The following SYNPO variants were observed in gnomAD, a reference collection of about 807,000 sequenced individuals.
The protein encoded by SYNPO is synaptopodin.
A neutral mutation model predicts 49.5 loss-of-function variants in SYNPO; 19 were observed. The ratio of observed to expected loss-of-function variants is 0.38; its 90% confidence interval spans 0.27 to 0.56. The LOEUF (loss-of-function observed/expected upper bound fraction) is 0.56. Among genes scored for constraint, SYNPO ranks in the 20% least tolerant of loss-of-function variants. The probability of loss-of-function intolerance (pLI) is 0.68; values close to 1 mark genes in which losing one functional copy is unlikely to be tolerated. For synonymous variants in SYNPO, 536 were observed against 548.0 expected (o/e 0.98, Z 0.31); for missense variants, 1,131 against 1,248.3 (o/e 0.91, Z 1.42).
chr5:150,599,570 C>A (rs1403173916), upstream of SYNPO, among the ~76,000 whole-genome samples: 1 of 152,192 alleles, frequency 6.6e-6, no homozygotes, highest in African/African-American at 2.4e-5. Context: ...AGGGAGACAT[C>A]TAAACCTCTC....
chr5:150,614,655 C>T (rs915442473), intron 1 of SYNPO: 2 of 152,230 alleles, frequency 1.3e-5, no homozygotes, highest in African/African-American at 4.8e-5. Flanking sequence ...ACTCTATCAG[C>T]CATTTCTGCC....
At chr5:150,587,491 G>A in the SYNPO span, among the ~76,000 whole-genome samples, 36 of 151,912 alleles carry the variant, frequency 2.4e-4, no homozygotes, top group South Asian at 1.2e-3. Context: ...ATAAATAGGC[G>A]GATGGATACA....
exon 2 of SYNPO, chr5:150,618,336 G>C: frequency 6.6e-7 from 1 of 1,514,812 alleles, no homozygotes; most frequent in Non-Finnish European, 8.9e-7. Flanking sequence ...CCAGGAGCCT[G>C]CTTCCCTGCA....
rs567811190 is a variant in SYNPO at position 150,625,872 on chromosome 5, G to C, written c.400+7105G>C. On this transcript the variant is annotated intron_variant, in intron 2 of 2. Coordinates refer to the SYNPO transcript ENST00000394243. ...TGCCCCATCCCCCATCCCCCACCCT[G>C]TCCTGAATGGCAGGTGGCACTGGAA... 8.5e-5 allele frequency among the ~76,000 whole-genome samples: 13 copies of C among 152,332 alleles called. 1 individual carries two copies. The South Asian group carries it at 2.5e-3, about 29-fold the overall frequency.
intron 1 of SYNPO, among the ~76,000 whole-genome samples, chr5:150,603,611 C>T (rs1385039620): frequency 6.6e-6 from 1 of 152,260 alleles, no homozygotes; most frequent in Non-Finnish European, 1.5e-5. Flanking sequence ...CGGGACCATT[C>T]TTTCTTGTCT....
At chr5:150,586,961 C>T in the SYNPO span, among the ~76,000 whole-genome samples, 2 of 150,994 alleles carry the variant, frequency 1.3e-5, no homozygotes, top group African/African-American at 2.4e-5. Context: ...TATGGATGCA[C>T]GGATGAGTAT....
intron 2 of SYNPO, among the ~76,000 whole-genome samples, chr5:150,628,588 A>G (rs1661143235): frequency 6.6e-6 from 1 of 152,230 alleles, no homozygotes; most frequent in South Asian, 2.1e-4. Flanking sequence ...ATGAGCTACC[A>G]TTTAGGTATT....
At chr5:150,620,208 G>T (rs183952703) in intron 2 of SYNPO, among the ~76,000 whole-genome samples, 9 of 152,212 alleles carry the variant, frequency 5.9e-5, no homozygotes, top group Non-Finnish European at 1.3e-4. Flanking sequence ...GCTGTTAGGA[G>T]GTTGCAATGA....
At chr5:150,601,720 C>T (rs1044024859) in intron 1 of SYNPO, among the ~76,000 whole-genome samples, 5 of 152,114 alleles carry the variant, frequency 3.3e-5, no homozygotes, top group Admixed American at 1.3e-4. Flanking sequence ...CTGGCTGCCC[C>T]CTGGGAGGGT....
chr5:150,587,112 A>G, the SYNPO span, among the ~76,000 whole-genome samples: 3 of 152,086 alleles, frequency 2.0e-5, no homozygotes, highest in Admixed American at 6.5e-5. Flanking sequence ...GGATGTATAT[A>G]TGGATGCATG....
At chr5:150,635,480 GT>G (rs1183627357) in intron 2 of SYNPO, among the ~76,000 whole-genome samples, 1 of 152,156 alleles carries the variant, frequency 6.6e-6, no homozygotes, top group Non-Finnish European at 1.5e-5. Context: ...TGTTTGTTTG[GT>G]TTTTTTAGAC....
intron 2 of SYNPO, chr5:150,653,438 A>AT (rs997953248): frequency 2.0e-5 from 3 of 152,168 alleles, no homozygotes; most frequent in Non-Finnish European, 2.9e-5. Flanking sequence ...TGCTTTAGAG[A>AT]TTTTTAGGTA....
intron 1 of SYNPO, among the ~76,000 whole-genome samples, chr5:150,612,591 C>G: frequency 6.6e-6 from 1 of 152,166 alleles, no homozygotes; most frequent in South Asian, 2.1e-4. Context: ...GCTGTGTGAG[C>G]TTGGCAAGTC....
chr5:150,618,681 G>A (rs2151367011), exon 2 of SYNPO: 2 of 1,550,834 alleles, frequency 1.3e-6, no homozygotes, highest in South Asian at 2.4e-5. Context: ...GACAGGGCCA[G>A]CCAGGACTGG....
At position 150,656,919 on chromosome 5, in the gene SYNPO, C is replaced by G. The variant is rs747419664; in HGVS notation, c.2544C>G (p.Pro848=). 22 of 1,579,492 alleles carry G rather than the reference C, an allele frequency of 1.4e-5. No homozygotes were observed. Among genetic ancestry groups the G allele is most frequent in the Admixed American group, 1.1e-4 (6 of 56,224 alleles). The change falls in exon 3 of 3, where the codon CCC becomes CCG. Residue 848 remains proline, a synonymous_variant. Transcript: ENST00000307662. ...GCCCGCTGCCCGCGCCTCCCAGGCC[C>G]TTCCTCTACCGCCGCTCGCCCACGG... The part of the protein sequence containing the change: ...PRSPLPAPPR[P]FLYRRSPTDS...
At chr5:150,596,920 G>T (rs113274950), upstream of SYNPO, among the ~76,000 whole-genome samples, 6 of 152,344 alleles carry the variant, frequency 3.9e-5, 1 homozygote, top group African/African-American at 1.4e-4. Context: ...TGCAAGGGCT[G>T]GAAAGCCTCA....
At chr5:150,597,829 G>C (rs1025103908), upstream of SYNPO, among the ~76,000 whole-genome samples, 2 of 151,976 alleles carry the variant, frequency 1.3e-5, no homozygotes, top group East Asian at 3.9e-4. Flanking sequence ...GTAGAGACAG[G>C]GTTTCACCAT....
At chr5:150,610,585 C>T (rs762052158) in intron 1 of SYNPO, among the ~76,000 whole-genome samples, 6 of 152,214 alleles carry the variant, frequency 3.9e-5, no homozygotes, top group Non-Finnish European at 8.8e-5. Context: ...TACGTGGTAG[C>T]TCTTGTAATG....
chr5:150,600,345 C>A (rs182219397), upstream of SYNPO, among the ~76,000 whole-genome samples: 1 of 152,242 alleles, frequency 6.6e-6, no homozygotes, highest in Admixed American at 6.5e-5. Flanking sequence ...GAAAGGCAGG[C>A]GGGCACTCTC....
Sources: gnomAD v4.1 joint callset for allele counts (sites outside exome capture counted in the v4.1 genomes callset) on GRCh38, gnomAD v4.1.1 for gene constraint, MANE v1.5 for transcripts, NCBI Gene and HGNC (gene_info 2026-07-23, HGNC 2026-07-21) for gene names.